The following SLC8A1 variants were observed in gnomAD, a reference collection of about 807,000 sequenced individuals.
SLC8A1 encodes the protein sodium/calcium exchanger 1.
In SLC8A1, 18 loss-of-function variants were observed where a neutral mutation model predicts 68.3. The ratio of observed to expected loss-of-function variants is 0.26; its 90% confidence interval spans 0.18 to 0.39. The LOEUF is 0.39. Among genes scored for constraint, SLC8A1 ranks in the 10% least tolerant of loss-of-function variants. The probability of loss-of-function intolerance (pLI) is 1.00; values close to 1 mark genes in which losing one functional copy is unlikely to be tolerated. For missense variants in SLC8A1, 985 were observed against 1,156.7 expected (o/e 0.85, Z 2.15); for synonymous variants, 475 against 415.5 (o/e 1.14, Z -1.74).
rs528839648 is a variant in SLC8A1, at chr2:40,369,327, GGTT to G, written c.1808+59143_1808+59145del. Among the ~76,000 whole-genome samples, 12 of 152,156 alleles carry G rather than the reference GGTT, an allele frequency of 7.9e-5. 1 individual carries two copies. In the South Asian group the frequency reaches 2.5e-3, roughly 32 times the overall value. On this transcript the variant is annotated intron_variant, in intron 2 of 7. Coordinates refer to ENST00000406785, the Ensembl canonical transcript of SLC8A1. ...CTTTCACCTCGTCATCATCTGAGCTGGTTGTTTCTAGTGTGTCTGCAACCTCAG... is the reference window on the plus strand; with the variant it reads ...CTTTCACCTCGTCATCATCTGAGCTGGTTTCTAGTGTGTCTGCAACCTCAG...
chr2:40,265,930 G>A (rs1297931758), intron 2 of SLC8A1, among the ~76,000 whole-genome samples: 1 of 152,070 alleles, frequency 6.6e-6, no homozygotes, highest in African/African-American at 2.4e-5. Context: ...AACCTTCCAA[G>A]GCCAAATGCT....
chr2:40,334,974 C>T (rs914706196), intron 2 of SLC8A1, among the ~76,000 whole-genome samples: 36 of 152,148 alleles, frequency 2.4e-4, no homozygotes, highest in African/African-American at 8.0e-4. Flanking sequence ...TCAGTAAATT[C>T]GGTCATCCCT....
At chr2:40,118,606 A>AGT (rs1323995567) in intron 7 of SLC8A1, 1 of 73,748 alleles carries the variant, frequency 1.4e-5, no homozygotes, top group African/African-American at 4.0e-5. Context: ...AAAAAAAGGA[A>AGT]GTTTTTTTTT....
intron 2 of SLC8A1, among the ~76,000 whole-genome samples, chr2:40,194,466 G>C (rs984169823): frequency 1.5e-4 from 20 of 136,754 alleles, no homozygotes; most frequent in African/African-American, 5.7e-4. Context: ...TACTCAGTAA[G>C]CAATGTGTGT....
At chr2:40,240,227 C>A (rs1036550130) in intron 2 of SLC8A1, among the ~76,000 whole-genome samples, 1 of 152,188 alleles carries the variant, frequency 6.6e-6, no homozygotes. Context: ...TATTATGTAA[C>A]TGTTGTTAAG....
chr2:40,299,964 C>G (rs1043810977), intron 2 of SLC8A1, among the ~76,000 whole-genome samples: 2 of 152,154 alleles, frequency 1.3e-5, no homozygotes, highest in African/African-American at 2.4e-5. Flanking sequence ...ATCTCTATCA[C>G]ATTCCTGGCT....
intron 2 of SLC8A1, among the ~76,000 whole-genome samples, chr2:40,196,877 G>A (rs1434795892): frequency 6.6e-6 from 1 of 151,986 alleles, no homozygotes; most frequent in African/African-American, 2.4e-5. Flanking sequence ...TGTATTTTAA[G>A]AGAGAAATTT....
At position 40,112,555 on chromosome 2, in the gene SLC8A1, A is replaced by T. The variant is rs5554; in HGVS notation, c.*2698T>A. The T allele has an allele frequency of 0.14, 20,682 of 152,568 alleles. 1,598 individuals carry two copies. The highest frequency in any genetic ancestry group is 0.19 in the African/African-American group (7,963 of 41,454). 9.5% of individuals were successfully genotyped at this position (152,568 alleles called of 1,614,324 possible). On this transcript the variant is annotated 3_prime_UTR_variant, in exon 8 of 8. Coordinates refer to ENST00000406785, the Ensembl canonical transcript of SLC8A1. ...ACAGGATTATTGACATTCCTAATAC[A>T]GCTAAAAAATGAGTGCAAAAATTTT...
chr2:40,478,932 C>T (rs1704461537), intron 1 of SLC8A1, among the ~76,000 whole-genome samples: 1 of 152,080 alleles, frequency 6.6e-6, no homozygotes. Flanking sequence ...CCACCACGCC[C>T]AGCTAATTTT....
At position 40,283,853 on chromosome 2, in the gene SLC8A1, G is replaced by A. The variant is rs150812444; in HGVS notation, c.1809-105998C>T. On this transcript the variant is annotated intron_variant, in intron 2 of 7. Coordinates refer to ENST00000406785, the Ensembl canonical transcript of SLC8A1. ...GAAAGGCTGGAGAATAGAGAATTGT[G>A]ATCAGGCAGAAGAAAAATAAAAACT... Among the ~76,000 whole-genome samples, 529 of 152,246 alleles carry A rather than the reference G, an allele frequency of 3.5e-3. 3 individuals carry two copies. The highest frequency in any genetic ancestry group is 0.012 in the African/African-American group (502 of 41,560).
chr2:40,098,957 T>C (rs1416390990), exon 8 of SLC8A1: 1 of 152,056 alleles, frequency 6.6e-6, no homozygotes, highest in African/African-American at 2.4e-5. Context: ...TTTTCCTTTT[T>C]AATGATATCA....
At chr2:40,417,183 T>G (rs963464971) in intron 2 of SLC8A1, among the ~76,000 whole-genome samples, 1 of 152,146 alleles carries the variant, frequency 6.6e-6, no homozygotes, top group Non-Finnish European at 1.5e-5. Flanking sequence ...ACTTTTCTTT[T>G]AGGTTTGGGG....
At chr2:40,150,990 G>C (rs902119191) in intron 6 of SLC8A1, among the ~76,000 whole-genome samples, 51 of 152,096 alleles carry the variant, frequency 3.4e-4, no homozygotes, top group African/African-American at 1.2e-3. Flanking sequence ...TTTATATCTG[G>C]AACTTACTCT....
At chr2:40,164,313 G>A (rs2046191410) in intron 5 of SLC8A1, among the ~76,000 whole-genome samples, 1 of 152,188 alleles carries the variant, frequency 6.6e-6, no homozygotes, top group Non-Finnish European at 1.5e-5. Flanking sequence ...GTAAACTCCG[G>A]TTGCAGGCAC....
rs417047 is a variant in SLC8A1, at chr2:40,173,321, T to C, written c.1930+1504A>G. On this transcript the variant is annotated intron_variant, in intron 4 of 7. Coordinates refer to ENST00000406785, the Ensembl canonical transcript of SLC8A1. ...AAGGAGTATAAATTCCTGCACTTGATTTAAAAAATAACCTTTAGTAGTGCA... is the reference window on the plus strand; with the variant it reads ...AAGGAGTATAAATTCCTGCACTTGACTTAAAAAATAACCTTTAGTAGTGCA... 7.8e-3 allele frequency among the ~76,000 whole-genome samples: 1,185 copies of C among 152,290 alleles called. 16 individuals carry two copies. The highest frequency in any genetic ancestry group is 0.027 in the African/African-American group (1,135 of 41,550).
chr2:40,150,317 G>T (rs1241145200), intron 6 of SLC8A1, among the ~76,000 whole-genome samples: 1 of 152,200 alleles, frequency 6.6e-6, no homozygotes, highest in African/African-American at 2.4e-5. Flanking sequence ...AAGTAATGCT[G>T]CCAGTCACTT....
rs1390198239 is a variant in SLC8A1, at chr2:40,436,075, T to C, written c.-24-5771A>G. On this transcript the variant is annotated intron_variant, in intron 1 of 7. Coordinates refer to ENST00000406785, the Ensembl canonical transcript of SLC8A1. ...ATGAACCACCACGTCTGGCCAGCTC[T>C]TATTACTTCTTACATGCTATCTATT... 2.6e-5 allele frequency among the ~76,000 whole-genome samples: 4 copies of C among 152,160 alleles called. No individual in the cohort carries two copies. The South Asian group carries it at 6.2e-4, about 24-fold the overall frequency.
At chr2:40,389,531 TTG>T (rs1684629162) in intron 2 of SLC8A1, among the ~76,000 whole-genome samples, 1 of 152,020 alleles carries the variant, frequency 6.6e-6, no homozygotes, top group Admixed American at 6.6e-5. Flanking sequence ...ACAAAAATCA[TTG>T]TGTCAGTTAC....
At chr2:40,431,148 T>C (rs1698193276) in intron 1 of SLC8A1, among the ~76,000 whole-genome samples, 1 of 152,058 alleles carries the variant, frequency 6.6e-6, no homozygotes, top group African/African-American at 2.4e-5. Context: ...CAGAGCCTGT[T>C]TTTCTGCAGG....
Sources: gnomAD v4.1 joint callset for allele counts (sites outside exome capture counted in the v4.1 genomes callset) on GRCh38, gnomAD v4.1.1 for gene constraint, MANE v1.5 for transcripts, NCBI Gene and HGNC (gene_info 2026-07-23, HGNC 2026-07-21) for gene names.